The following MGAT4C variants were observed in gnomAD, a reference collection of about 807,000 sequenced individuals.
The protein encoded by MGAT4C is MGAT4 family member C.
MGAT4C carries 19 observed loss-of-function variants against 40.1 expected under a neutral mutation model. That is an observed-to-expected ratio of 0.47 (90% CI 0.33 to 0.70). The LOEUF (loss-of-function observed/expected upper bound fraction) is 0.70, where lower values mean the gene tolerates loss of function less well. Ranked by LOEUF, MGAT4C falls within the 30% of genes least tolerant of loss-of-function variation. The probability of loss-of-function intolerance (pLI) is 0.02; values close to 1 mark genes in which losing one functional copy is unlikely to be tolerated. For missense variants in MGAT4C, 491 were observed against 563.2 expected (o/e 0.87, Z 1.30); for synonymous variants, 181 against 187.1 (o/e 0.97, Z 0.27).
intron 2 of MGAT4C, among the ~76,000 whole-genome samples, chr12:86,462,209 C>A (rs903069916): frequency 2.6e-5 from 4 of 152,142 alleles, no homozygotes; most frequent in African/African-American, 9.7e-5. Flanking sequence ...CATAATGTTT[C>A]TTTAGCAACA....
chr12:86,810,128 A>G lies in MGAT4C; in HGVS notation c.-262+28538T>C, dbSNP rs1490582180. Among the ~76,000 whole-genome samples, 3 of 151,968 alleles carry G rather than the reference A, an allele frequency of 2.0e-5. No homozygotes were observed. The East Asian group carries it at 5.8e-4, about 29-fold the overall frequency. ...ATTGCAAATTATTTGGAGTAATTGC[A>G]TGTAGTATTGTGTTTCCATTAAATT... On this transcript the variant is annotated intron_variant, in intron 1 of 7. Coordinates refer to the MGAT4C transcript ENST00000548651.
intron 2 of MGAT4C, among the ~76,000 whole-genome samples, chr12:86,537,227 G>A (rs61193851): frequency 0.027 from 4,154 of 152,028 alleles, 155 homozygotes; most frequent in African/African-American, 0.086. Context: ...GTTGTGGGGT[G>A]TGGGGAGAGG....
At chr12:86,369,487 T>A (rs1401183431) in intron 3 of MGAT4C, among the ~76,000 whole-genome samples, 1 of 151,954 alleles carries the variant, frequency 6.6e-6, no homozygotes, top group African/African-American at 2.4e-5. Flanking sequence ...TTTATGTCAT[T>A]TTTATATCTG....
chr12:86,642,783 CATTTT>C (rs1963428422), intron 2 of MGAT4C, among the ~76,000 whole-genome samples: 1 of 151,164 alleles, frequency 6.6e-6, no homozygotes, highest in African/African-American at 2.4e-5. Context: ...TTTCATAAAA[CATTTT>C]ATATGTATAT....
chr12:86,244,599 C>T (rs752059396), intron 1 of MGAT4C, among the ~76,000 whole-genome samples: 1 of 152,178 alleles, frequency 6.6e-6, no homozygotes, highest in Non-Finnish European at 1.5e-5. Flanking sequence ...ATGGATACAA[C>T]TTATAAAATC....
At chr12:86,732,464 CT>C (rs1162349923) in intron 1 of MGAT4C, among the ~76,000 whole-genome samples, 6 of 152,092 alleles carry the variant, frequency 3.9e-5, no homozygotes, top group Non-Finnish European at 7.3e-5. Context: ...GAGCCCTGAG[CT>C]TTTTTTCCTG....
intron 2 of MGAT4C, among the ~76,000 whole-genome samples, chr12:86,569,904 A>G (rs114711435): frequency 0.027 from 4,142 of 152,232 alleles, 153 homozygotes; most frequent in African/African-American, 0.086. Flanking sequence ...CTAAGACAAT[A>G]TGGATGAACC....
rs192345399 is a variant in MGAT4C, at chr12:86,393,683, C to A, written c.-120+41474G>T. On this transcript the variant is annotated intron_variant, in intron 3 of 7. Transcript: ENST00000548651. ...TGAATTTATTCTCTTGGCAAAATATCCAGCCTTGGAGGGTATAGTAATCAC... is the reference window on the plus strand; with the variant it reads ...TGAATTTATTCTCTTGGCAAAATATACAGCCTTGGAGGGTATAGTAATCAC... 2.0e-5 allele frequency among the ~76,000 whole-genome samples: 3 copies of A among 152,254 alleles called. No homozygotes were observed. The East Asian group carries it at 5.8e-4, about 29-fold the overall frequency.
intron 1 of MGAT4C, among the ~76,000 whole-genome samples, chr12:86,767,375 G>C (rs1202336441): frequency 3.9e-5 from 6 of 152,144 alleles, no homozygotes; most frequent in Non-Finnish European, 8.8e-5. Flanking sequence ...ATAATCAATA[G>C]CTTACCAACC....
rs1883660604 is a variant in MGAT4C at position 85,972,331 on chromosome 12, T to C, written c.*6958A>G. ...GGACAACTTATTTATTATGTACTTCTACACACAGCTAAGCTTATAGATATT... is the reference window on the plus strand; with the variant it reads ...GGACAACTTATTTATTATGTACTTCCACACACAGCTAAGCTTATAGATATT... On this transcript the variant is annotated 3_prime_UTR_variant, in exon 5 of 5. Coordinates refer to ENST00000611864, the MANE Select transcript of MGAT4C (RefSeq NM_001351288.2). 1 of 151,130 alleles carries C rather than the reference T, an allele frequency of 6.6e-6. No homozygotes were observed. Among genetic ancestry groups the C allele is most frequent in the South Asian group, 2.1e-4 (1 of 4,822 alleles). The allele number at this position is 151,130 out of a possible 1,614,324, so 9.4% of individuals were successfully genotyped here.
chr12:86,447,691 A>T (rs1001352551), intron 2 of MGAT4C, among the ~76,000 whole-genome samples: 2 of 152,218 alleles, frequency 1.3e-5, no homozygotes. Flanking sequence ...CCAAAATGAT[A>T]TGTCAGCCAT....
At chr12:86,428,539 T>C (rs928055448) in intron 3 of MGAT4C, among the ~76,000 whole-genome samples, 3 of 152,186 alleles carry the variant, frequency 2.0e-5, no homozygotes. Context: ...TTGAGAGAGT[T>C]TGAGGATTTG....
chr12:86,787,649 G>C lies in MGAT4C; in HGVS notation c.-262+51017C>G, dbSNP rs138656021. ...GCTATTGGCAAGGATGTGGAGAAAAGGGATTGGTCATACACTGTTGGTGAG... is the reference window on the plus strand; with the variant it reads ...GCTATTGGCAAGGATGTGGAGAAAACGGATTGGTCATACACTGTTGGTGAG... On this transcript the variant is annotated intron_variant, in intron 1 of 7. Transcript: ENST00000548651. 6.6e-4 allele frequency among the ~76,000 whole-genome samples: 100 copies of C among 152,242 alleles called. 1 individual carries two copies. Among genetic ancestry groups the C allele is most frequent in the African/African-American group, 2.3e-3 (95 of 41,560 alleles).
chr12:86,673,086 C>T (rs1479595584), intron 2 of MGAT4C, among the ~76,000 whole-genome samples: 2 of 151,936 alleles, frequency 1.3e-5, no homozygotes, highest in African/African-American at 4.8e-5. Context: ...GGATTCAGTG[C>T]CAAAGTGATA....
At chr12:86,585,371 C>T (rs922650225) in intron 2 of MGAT4C, among the ~76,000 whole-genome samples, 4 of 151,368 alleles carry the variant, frequency 2.6e-5, no homozygotes, top group African/African-American at 9.7e-5. Flanking sequence ...ATGCATTGAA[C>T]TAGACATTCT....
At chr12:86,154,837 GC>G (rs1342781570) in intron 1 of MGAT4C, among the ~76,000 whole-genome samples, 1 of 152,052 alleles carries the variant, frequency 6.6e-6, no homozygotes, top group Non-Finnish European at 1.5e-5. Flanking sequence ...CTTCCCACGT[GC>G]CTGATCCTGT....
At chr12:86,504,092 T>C (rs1380919103) in intron 2 of MGAT4C, among the ~76,000 whole-genome samples, 1 of 151,854 alleles carries the variant, frequency 6.6e-6, no homozygotes, top group Non-Finnish European at 1.5e-5. Flanking sequence ...TCGATAGTCA[T>C]CAAATTAATG....
At chr12:85,985,029 C>G (rs1362923676) in intron 3 of MGAT4C, among the ~76,000 whole-genome samples, 1 of 152,204 alleles carries the variant, frequency 6.6e-6, no homozygotes, top group Non-Finnish European at 1.5e-5. Flanking sequence ...ATCCACTCAC[C>G]TCGGCCTCCC....
At chr12:86,570,271 A>G (rs964555610) in intron 2 of MGAT4C, among the ~76,000 whole-genome samples, 4 of 151,420 alleles carry the variant, frequency 2.6e-5, no homozygotes, top group African/African-American at 9.7e-5. Flanking sequence ...ATGTATACAT[A>G]TATTTAAATG....
Sources: gnomAD v4.1 joint callset for allele counts (sites outside exome capture counted in the v4.1 genomes callset) on GRCh38, gnomAD v4.1.1 for gene constraint, MANE v1.5 for transcripts, NCBI Gene and HGNC (gene_info 2026-07-23, HGNC 2026-07-21) for gene names.